The following LACTB variants were observed in gnomAD, a reference collection of about 807,000 sequenced individuals.
LACTB encodes serine beta-lactamase-like protein LACTB, mitochondrial.
LACTB carries 35 observed loss-of-function variants against 50.2 expected under a neutral mutation model. The ratio of observed to expected loss-of-function variants is 0.70; its 90% CI spans 0.53 to 0.92. The LOEUF is 0.92. Among genes scored for constraint, LACTB ranks in the 40% least tolerant of loss-of-function variants. The pLI is 0.00. For synonymous variants in LACTB, 252 were observed against 268.2 expected, an observed-to-expected ratio of 0.94 and a Z score of 0.59; for missense variants, 664 against 691.8, an observed-to-expected ratio of 0.96 and a Z score of 0.45.
chr15:63,139,521 C>T (rs565459669), intron 5 of LACTB, among the ~76,000 whole-genome samples: 13 of 151,434 alleles, frequency 8.6e-5, no homozygotes, highest in South Asian at 2.1e-4. Context: ...GATGTGGTGG[C>T]GCACAACTGT....
At chr15:63,134,152 A>C (rs889080236) in intron 5 of LACTB, among the ~76,000 whole-genome samples, 2 of 151,932 alleles carry the variant, frequency 1.3e-5, no homozygotes, top group African/African-American at 4.8e-5. Context: ...GTGGTTTTCA[A>C]ACTGTAGGTT....
intron 5 of LACTB, among the ~76,000 whole-genome samples, chr15:63,138,257 C>T (rs2414812): frequency 0.35 from 53,246 of 152,040 alleles, 10,484 homozygotes; most frequent in East Asian, 0.8. Context: ...CCTGGGATCA[C>T]ACCACTGCAC....
In LACTB at chr15:63,123,929, A is replaced by G. The variant is rs373232039; in HGVS notation, c.424+1227A>G. ...TTAGGCCTCCGGATAACTGCGGGCAAGCCTGACTGATGTCAGGCCCTCCAC... is the reference window on the plus strand; with the variant it reads ...TTAGGCCTCCGGATAACTGCGGGCAGGCCTGACTGATGTCAGGCCCTCCAC... On this transcript the variant is annotated intron_variant, in intron 2 of 5. Transcript: ENST00000261893. Among the ~76,000 whole-genome samples the G allele has an allele frequency of 3.2e-3, 481 of 152,338 alleles. 3 individuals carry two copies. The highest frequency in any genetic ancestry group is 0.013 in the East Asian group (65 of 5,178).
chr15:63,141,314 A>G lies in LACTB; in HGVS notation c.1153A>G (p.Asn385Asp). The G allele has an allele frequency of 2.5e-6, 4 of 1,611,270 alleles. No homozygotes were observed. Among genetic ancestry groups the G allele is most frequent in the Non-Finnish European group, 3.4e-6 (4 of 1,178,550 alleles). ...YVYNKKKRLV[N>D]TPYVDNSYKW... ...TTACAATAAAAAGAAACGTCTTGTC[A>G]ACACACCTTACGTGGATAACTCCTA... The change falls in exon 6 of 6, where the codon AAC becomes GAC. Residue 385 changes from asparagine (N) to aspartate (D), a missense_variant. Physicochemically the swap from Asn to Asp is conservative, Grantham distance 23. Coordinates refer to ENST00000261893, the MANE Select transcript of LACTB (RefSeq NM_032857.5).
chr15:63,132,028 T>C (rs2037137550), intron 5 of LACTB, among the ~76,000 whole-genome samples: 1 of 152,166 alleles, frequency 6.6e-6, no homozygotes, highest in South Asian at 2.1e-4. Context: ...GATATGTAGC[T>C]AACATGGTAA....
At chr15:63,125,651 TTTC>T (rs2037043310) in intron 2 of LACTB, among the ~76,000 whole-genome samples, 2 of 152,026 alleles carry the variant, frequency 1.3e-5, no homozygotes, top group African/African-American at 4.8e-5. Context: ...TTCCTTTTCT[TTTC>T]AGATCTCTGT....
intron 1 of LACTB, 23 bp from the exon 2 acceptor site, chr15:63,122,612 CG>C: frequency 6.3e-7 from 1 of 1,592,910 alleles, no homozygotes; most frequent in Non-Finnish European, 8.6e-7. Context: ...CCGTAACTGT[CG>C]GTTCTTTCCC....
In LACTB at chr15:63,127,755, A is replaced by T. The variant is rs576250071; in HGVS notation, c.952+66A>T. 107 of 1,096,612 alleles carry T rather than the reference A, an allele frequency of 9.8e-5. 1 individual carries two copies. The East Asian group carries it at 2.5e-3, about 26-fold the overall frequency. 67.9% of individuals were successfully genotyped at this position (1,096,612 alleles called of 1,614,324 possible). The stretch of plus-strand genomic sequence containing the variant: ...GAAATGTTAATTTTCAGGAAATCCA[A>T]AATGATACCATCCGGAGTGCATTCA... On this transcript the variant is annotated intron_variant, in intron 4 of 5. Transcript: ENST00000261893.
intron 5 of LACTB, 174 bp from the exon 6 acceptor site, chr15:63,141,106 C>T (rs937076021): frequency 1.0e-6 from 1 of 983,594 alleles, no homozygotes; most frequent in African/African-American, 1.7e-5. Flanking sequence ...ACTTAGTTAT[C>T]TGTGTGTCAT....
At chr15:63,124,505 T>G (rs977715161) in intron 2 of LACTB, among the ~76,000 whole-genome samples, 1 of 152,202 alleles carries the variant, frequency 6.6e-6, no homozygotes, top group Non-Finnish European at 1.5e-5. Context: ...AGGTGTCATC[T>G]ATTTTTTTCA....
chr15:63,132,408 A>G (rs908004859), intron 5 of LACTB, among the ~76,000 whole-genome samples: 1 of 152,206 alleles, frequency 6.6e-6, no homozygotes, highest in African/African-American at 2.4e-5. Flanking sequence ...GTATATGTGT[A>G]GATATTTAAT....
intron 5 of LACTB, among the ~76,000 whole-genome samples, chr15:63,135,588 C>T (rs1470787061): frequency 6.6e-6 from 1 of 152,128 alleles, no homozygotes; most frequent in Non-Finnish European, 1.5e-5. Flanking sequence ...GGCATGGTGG[C>T]ATGCGCCTGT....
At chr15:63,139,818 C>T (rs2037211421) in intron 5 of LACTB, among the ~76,000 whole-genome samples, 3 of 150,868 alleles carry the variant, frequency 2.0e-5, no homozygotes, top group Admixed American at 6.6e-5. Flanking sequence ...TGATTATTGG[C>T]TGGGCACAGT....
rs761260684 is a variant in LACTB, at chr15:63,122,028, G to C, written c.157G>C (p.Gly53Arg). ...CGGGCTGGGGCTGGGGCTGGCGCTC[G>C]GGGTGAAGCTGGCAGGTGGGCTGAG... Reference protein sequence around the residue: ...GLGLGLGLALGVKLAGGLRGA... With the variant: ...GLGLGLGLALRVKLAGGLRGA... Residue 53 changes from glycine (G) to arginine (R), a missense_variant, in exon 1 of 6, where the codon GGG (glycine) becomes CGG (arginine). Physicochemically the swap from Gly to Arg is moderately radical, Grantham distance 125. Transcript: ENST00000261893. The C allele has an allele frequency of 2.8e-6, 4 of 1,404,364 alleles. No individual in the cohort carries two copies. The highest frequency in any genetic ancestry group is 3.1e-5 in the South Asian group (2 of 64,496). 87.0% of individuals were successfully genotyped at this position (1,404,364 alleles called of 1,614,324 possible).
intron 4 of LACTB, 91 bp from the exon 5 acceptor site, chr15:63,129,394 G>T: frequency 8.6e-7 from 1 of 1,166,394 alleles, no homozygotes; most frequent in Non-Finnish European, 1.1e-6. Flanking sequence ...AGTTTTAAAA[G>T]TATGCCAATT....
intron 2 of LACTB, 52 bp downstream of exon 2, chr15:63,122,754 T>A (rs1289954948): frequency 2.4e-6 from 3 of 1,269,078 alleles, no homozygotes; most frequent in Non-Finnish European, 3.5e-6. Context: ...AAATAAAATA[T>A]TGTTTTACTG....
chr15:63,137,449 G>T (rs1364287826), intron 5 of LACTB, among the ~76,000 whole-genome samples: 2 of 152,142 alleles, frequency 1.3e-5, no homozygotes, highest in African/African-American at 2.4e-5. Context: ...TTTCTGGAGT[G>T]TTTGCTGCAT....
chr15:63,126,886 G>A lies in LACTB; in HGVS notation c.452G>A (p.Arg151His), dbSNP rs760433188. ...EGLGYADVEN[R>H]VPCKPETVMR... ...TTAGGTTATGCTGATGTTGAGAACC[G>A]TGTACCATGTAAACCAGAGACAGTT... is the stretch of plus-strand genomic sequence containing the variant. The change falls in exon 3 of 6, where the codon CGT (arginine) becomes CAT (histidine). Residue 151 changes from arginine to histidine, a missense_variant. Physicochemically the swap from Arg to His is conservative, Grantham distance 29. Coordinates refer to ENST00000261893, the MANE Select transcript of LACTB (RefSeq NM_032857.5). 6.8e-6 allele frequency: 11 copies of A among 1,607,904 alleles called. No individual in the cohort carries two copies. Among genetic ancestry groups the A allele is most frequent in the South Asian group, 1.1e-5 (1 of 90,380 alleles).
At chr15:63,123,380 C>G (rs1566989018) in intron 2 of LACTB, among the ~76,000 whole-genome samples, 1 of 152,108 alleles carries the variant, frequency 6.6e-6, no homozygotes, top group Non-Finnish European at 1.5e-5. Context: ...TTTCTTGAGG[C>G]CTCTCTTCCG....
Sources: gnomAD v4.1 joint callset for allele counts (sites outside exome capture counted in the v4.1 genomes callset) on GRCh38, gnomAD v4.1.1 for gene constraint, MANE v1.5 for transcripts, NCBI Gene and HGNC (gene_info 2026-07-23, HGNC 2026-07-21) for gene names.